The following ART3 variants were observed in gnomAD, a reference collection of about 807,000 sequenced individuals.
ART3 encodes the protein ADP-ribosyltransferase 3 (inactive), also known as ecto-ADP-ribosyltransferase 3.
ART3 carries 49 observed loss-of-function variants against 48.5 expected under a neutral mutation model. The ratio of observed to expected loss-of-function variants is 1.01; its 90% CI spans 0.80 to 1.28. The LOEUF is 1.28. Ranked by LOEUF, ART3 falls within the 50% of genes most tolerant of loss-of-function variation. ART3 has a pLI of 0.00. For missense variants in ART3, 438 were observed against 454.3 expected, an observed-to-expected ratio of 0.96 and a Z score of 0.33; for synonymous variants, 145 against 157.2, an observed-to-expected ratio of 0.92 and a Z score of 0.58.
chr4:76,067,879 T>C lies in ART3; in HGVS notation c.-9-8002T>C, dbSNP rs576329466. 9.1e-4 allele frequency among the ~76,000 whole-genome samples: 138 copies of C among 152,348 alleles called. 1 individual carries two copies. Among genetic ancestry groups the C allele is most frequent in the African/African-American group, 3.2e-3 (135 of 41,582 alleles). Reference sequence around the variant, plus strand: ...GGTCATTGGCCTTCCCCGAGGTATCTGATCCTGCTTGGTCTTTGGCTGATA... The same window carrying C: ...GGTCATTGGCCTTCCCCGAGGTATCCGATCCTGCTTGGTCTTTGGCTGATA... On this transcript the variant is annotated intron_variant, in intron 1 of 9. Coordinates refer to the ART3 transcript ENST00000341029.
At chr4:76,057,656 C>A (rs1718820498) in intron 1 of ART3, among the ~76,000 whole-genome samples, 1 of 152,124 alleles carries the variant, frequency 6.6e-6, no homozygotes, top group Admixed American at 6.6e-5. Context: ...ATGAGGAGAC[C>A]TAGATACAGA....
chr4:76,090,633 C>T (rs1724665924), intron 3 of ART3, among the ~76,000 whole-genome samples: 3 of 152,166 alleles, frequency 2.0e-5, no homozygotes, highest in South Asian at 4.1e-4. Flanking sequence ...TTTAACAAGT[C>T]AGGGATGTGG....
chr4:76,077,523 A>G (rs1237540823), intron 2 of ART3, among the ~76,000 whole-genome samples: 1 of 152,200 alleles, frequency 6.6e-6, no homozygotes, highest in Non-Finnish European at 1.5e-5. Flanking sequence ...TCTTTTTAAA[A>G]AATTTTCTAA....
chr4:76,076,049 T>A, intron 2 of ART3, 91 bp downstream of exon 2: 1 of 1,165,066 alleles, frequency 8.6e-7, no homozygotes, highest in Non-Finnish European at 1.2e-6. Context: ...TCGCCCAGAC[T>A]GCTGGAGTGC....
intron 2 of ART3, among the ~76,000 whole-genome samples, chr4:76,079,918 T>TCTCTTTCACTCTCTCTCTCTCTCTCA (rs1553932515): frequency 1.3e-5 from 2 of 149,282 alleles, no homozygotes; most frequent in Admixed American, 6.6e-5. Context: ...TCTCTCTCTC[T>TCTCTTTCACTCTCTCTCTCTCTCTCA]CACACACACA....
At chr4:76,017,461 A>C (rs1732373530) in intron 1 of ART3, among the ~76,000 whole-genome samples, 1 of 151,830 alleles carries the variant, frequency 6.6e-6, no homozygotes, top group Non-Finnish European at 1.5e-5. Flanking sequence ...TTCAAGACAA[A>C]GTCCTCTTTA....
At chr4:76,049,704 TGGCGATAGGCGATTGTCTCACCGCTC>T (rs1162152435) in intron 1 of ART3, among the ~76,000 whole-genome samples, 3 of 151,840 alleles carry the variant, frequency 2.0e-5, no homozygotes, top group Non-Finnish European at 1.5e-5. Context: ...ACTCACTGCT[TGGCGATAGGCGATTGTCTCACCGCTC>T]GGCGATAGGC....
In ART3 at chr4:76,074,738, G is replaced by C. The variant is rs532094496; in HGVS notation, c.-91G>C. The C allele has an allele frequency of 1.3e-5, 2 of 152,270 alleles. No individual in the cohort carries two copies. The highest frequency in any genetic ancestry group is 2.1e-4 in the South Asian group (1 of 4,822). 9.4% of individuals were successfully genotyped at this position (152,270 alleles called of 1,614,324 possible). A position where few individuals can be genotyped will look rare whatever the true frequency, so the allele number is the denominator to read the frequency against. On this transcript the variant is annotated 5_prime_UTR_variant, in exon 1 of 12. Coordinates refer to ENST00000355810, the MANE Select transcript of ART3 (RefSeq NM_001130016.3). ...ACTGTCAACAACATCCCATCCTGAA[G>C]ACTTGCTTACCACAACTGAGAGTGG...
chr4:76,015,231 T>C (rs1342950871), intron 1 of ART3, among the ~76,000 whole-genome samples: 2 of 152,180 alleles, frequency 1.3e-5, no homozygotes, highest in Admixed American at 6.5e-5. Flanking sequence ...ATTATAAATA[T>C]GTATTAATGA....
At chr4:76,015,719 A>G (rs1021459253) in intron 1 of ART3, among the ~76,000 whole-genome samples, 2 of 152,264 alleles carry the variant, frequency 1.3e-5, no homozygotes, top group South Asian at 2.1e-4. Flanking sequence ...TACAGCCTCA[A>G]CCTGGCTCAA....
chr4:76,060,816 G>A (rs573737848), intron 1 of ART3, among the ~76,000 whole-genome samples: 2 of 152,202 alleles, frequency 1.3e-5, no homozygotes, highest in Non-Finnish European at 2.9e-5. Context: ...AGGAATGTGG[G>A]TGGCCTCTGG....
intron 1 of ART3, among the ~76,000 whole-genome samples, chr4:76,062,646 C>T (rs748294223): frequency 4.0e-5 from 6 of 149,194 alleles, no homozygotes; most frequent in Admixed American, 6.7e-5. Flanking sequence ...CGGCAAGCTC[C>T]GCCTCTCGGG....
intron 3 of ART3, among the ~76,000 whole-genome samples, chr4:76,085,559 C>T (rs181773584): frequency 3.3e-5 from 5 of 151,986 alleles, no homozygotes; most frequent in South Asian, 2.1e-4. Flanking sequence ...CTGAGAAGGA[C>T]GATTCTAGTT....
At chr4:76,084,192 C>G (rs1490665933) in intron 3 of ART3, among the ~76,000 whole-genome samples, 1 of 152,166 alleles carries the variant, frequency 6.6e-6, no homozygotes. Flanking sequence ...GCTGAACATC[C>G]TGAAATCTCT....
chr4:76,027,557 A>G (rs1235829072), intron 1 of ART3, among the ~76,000 whole-genome samples: 2 of 121,418 alleles, frequency 1.6e-5, no homozygotes, highest in Non-Finnish European at 3.4e-5. Context: ...TTAGGATTCT[A>G]TAAAATCTGG....
At chr4:76,023,544 C>A in intron 1 of ART3, 2 of 938,072 alleles carry the variant, frequency 2.1e-6, no homozygotes, top group South Asian at 1.3e-5. Context: ...AAGCCATTTT[C>A]CCTCCCTAAT....
intron 1 of ART3, among the ~76,000 whole-genome samples, chr4:76,018,889 A>C (rs1252048162): frequency 2.6e-5 from 4 of 152,124 alleles, no homozygotes; most frequent in Admixed American, 2.6e-4. Context: ...ATACCAAAAA[A>C]AATTTAGCTG....
chr4:76,063,669 A>G (rs919092645), intron 1 of ART3, among the ~76,000 whole-genome samples: 4 of 152,316 alleles, frequency 2.6e-5, no homozygotes, highest in East Asian at 3.9e-4. Flanking sequence ...TTTATATATC[A>G]TTATTTGACA....
intron 1 of ART3, among the ~76,000 whole-genome samples, chr4:76,050,307 G>A (rs1254244353): frequency 6.6e-6 from 1 of 152,118 alleles, no homozygotes; most frequent in Non-Finnish European, 1.5e-5. Context: ...GGCGCTGATA[G>A]GTGGGTTTAC....
Sources: allele counts gnomAD v4.1 joint callset (sites outside exome capture counted in the v4.1 genomes callset), GRCh38; gene constraint gnomAD v4.1.1; transcripts MANE v1.5; gene names NCBI Gene and HGNC (gene_info 2026-07-23, HGNC 2026-07-21).